PLEKHM2: variants seen among roughly 807,000 people sequenced by gnomAD.
PLEKHM2 encodes pleckstrin homology and RUN domain containing M2.
In PLEKHM2, 77 loss-of-function variants were observed where a neutral mutation model predicts 116.3. The ratio of observed to expected loss-of-function variants is 0.66; its 90% CI spans 0.55 to 0.80. The LOEUF (loss-of-function observed/expected upper bound fraction) is 0.80. Among genes scored for constraint, PLEKHM2 ranks in the 30% least tolerant of loss-of-function variants. The probability of loss-of-function intolerance (pLI) is 0.00; values close to 1 mark genes in which losing one functional copy is unlikely to be tolerated. For synonymous variants in PLEKHM2, 562 were observed against 571.0 expected (o/e 0.98, Z 0.22); for missense variants, 1,183 against 1,354.9 (o/e 0.87, Z 1.99).
chr1:15,716,680 A>G, intron 2 of PLEKHM2, 27 bp from the exon 3 acceptor site: 1 of 1,553,132 alleles, frequency 6.4e-7, no homozygotes, highest in Non-Finnish European at 8.7e-7. Flanking sequence ...CATGCAGGTC[A>G]CAGCAGCTCC....
intron 1 of PLEKHM2, among the ~76,000 whole-genome samples, chr1:15,704,703 C>G (rs1641186053): frequency 6.6e-6 from 1 of 152,218 alleles, no homozygotes; most frequent in African/African-American, 2.4e-5. Flanking sequence ...AGGCTGCTGC[C>G]CCCGCCCCTG....
chr1:15,684,569 G>C lies in PLEKHM2; in HGVS notation c.11G>C (p.Gly4Ala), dbSNP rs1640723646. 1 of 1,296,614 alleles carries C rather than the reference G, an allele frequency of 7.7e-7. No homozygotes were observed. Among genetic ancestry groups the C allele is most frequent in the Admixed American group, 2.8e-5 (1 of 35,286 alleles). 80.3% of individuals were successfully genotyped at this position (1,296,614 alleles called of 1,614,324 possible). ...GACGGTGGCAGCGCCATGGAGCCGGGGGAGGTGAAGGACCGGATCCTGGAG... is the reference window on the plus strand; with the variant it reads ...GACGGTGGCAGCGCCATGGAGCCGGCGGAGGTGAAGGACCGGATCCTGGAG... The part of the protein sequence containing the change: MEP[G>A]EVKDRILENI... Residue 4 changes from glycine to alanine, a missense_variant, in exon 1 of 20, where the codon GGG becomes GCG. Physicochemically the swap from Gly to Ala is moderately conservative, Grantham distance 60 (BLOSUM62 0). Around this residue, in one of 3 missense-constraint regions of PLEKHM2, gnomAD observed 217 missense variants for 277.6 expected, o/e 0.78. Transcript: ENST00000375799.
At position 15,727,716 on chromosome 1, in the gene PLEKHM2, G is replaced by A. The variant is rs767459394; in HGVS notation, c.1644G>A (p.Glu548=). The change falls in exon 9 of 20, where the codon GAG becomes GAA. Residue 548 remains glutamate (E), a synonymous_variant. Transcript: ENST00000375799. The surrounding 1 kb of genome is among the most constrained non-coding windows in gnomAD (Gnocchi z 7.5). ...CTGAGCCAGAGCCTGGGACCCAGGA[G>A]GTTCTCTGCCAGCTCAAGCGAGACC... ...PVSEPEPGTQ[E]VLCQLKRDQP... is the part of the protein sequence containing the mutation. The A allele has an allele frequency of 1.3e-6, 2 of 1,597,206 alleles. No individual in the cohort carries two copies. The highest frequency in any genetic ancestry group is 2.7e-5 in the African/African-American group (2 of 74,606).
chr1:15,713,944 T>C (rs1641389801), intron 1 of PLEKHM2, among the ~76,000 whole-genome samples: 2 of 147,766 alleles, frequency 1.4e-5, no homozygotes, highest in African/African-American at 2.5e-5. Flanking sequence ...CAGCCCTGTT[T>C]TTTTTTTTTT....
intron 1 of PLEKHM2, among the ~76,000 whole-genome samples, chr1:15,705,170 C>CTTTTTTTTT (rs71306988): frequency 1.4e-5 from 1 of 74,044 alleles, no homozygotes; most frequent in African/African-American, 6.3e-5. Context: ...ACGTAGATAT[C>CTTTTTTTTT]TTTTTTTTTT....
intron 1 of PLEKHM2, among the ~76,000 whole-genome samples, chr1:15,696,549 T>C (rs1210064598): frequency 6.6e-6 from 1 of 151,950 alleles, no homozygotes; most frequent in Non-Finnish European, 1.5e-5. Flanking sequence ...CGGGGTTTCA[T>C]CATATTGGTC....
intron 1 of PLEKHM2, among the ~76,000 whole-genome samples, chr1:15,693,673 C>T (rs1014674677): frequency 2.6e-5 from 4 of 152,322 alleles, no homozygotes; most frequent in South Asian, 2.1e-4. Flanking sequence ...CAGTGGTCTC[C>T]CTCAGAACTC....
Position 15,699,218 on chromosome 1 carries a change from A to T in PLEKHM2, c.60+14600A>T, listed in dbSNP as rs193050815. On this transcript the variant is annotated intron_variant, in intron 1 of 19. Transcript: ENST00000375799. ...TTAATTTCTAGGGTACATGTGCACA[A>T]TGTGCAGGTTTGTTACATAGGTGTG... is the stretch of plus-strand genomic sequence containing the variant. Among the ~76,000 whole-genome samples, 994 of 152,208 alleles carry T rather than the reference A, an allele frequency of 6.5e-3. 10 individuals are homozygous for T. Among genetic ancestry groups the T allele is most frequent in the Non-Finnish European group, 8.6e-3 (586 of 68,016 alleles).
At chr1:15,725,642 C>T (rs376222755) in intron 8 of PLEKHM2, 97 bp downstream of exon 8, 2 of 861,214 alleles carry the variant, frequency 2.3e-6, no homozygotes, top group Admixed American at 4.6e-5. Context: ...CGGGACACCC[C>T]CTGAGGGCAG....
At chr1:15,717,686 T>G (rs1641473977) in intron 3 of PLEKHM2, among the ~76,000 whole-genome samples, 1 of 152,192 alleles carries the variant, frequency 6.6e-6, no homozygotes, top group Non-Finnish European at 1.5e-5. Context: ...GTCTGCCCTC[T>G]TTATCAGAAT....
upstream of PLEKHM2, among the ~76,000 whole-genome samples, chr1:15,681,959 C>T (rs1640653111): frequency 6.6e-6 from 1 of 151,754 alleles, no homozygotes; most frequent in African/African-American, 2.4e-5. Context: ...AATCCCAGCC[C>T]TTTGGGAGGC....
rs373878060 is a variant in PLEKHM2 at position 15,727,743 on chromosome 1, G to A, written c.1671G>A (p.Gln557=). ...TTCTCTGCCAGCTCAAGCGAGACCA[G>A]CCCAGCCCGTGTCTGAGTAGCGCTG... is the stretch of plus-strand genomic sequence containing the variant. The part of the protein sequence containing the change: ...QEVLCQLKRD[Q]PSPCLSSAED... The change falls in exon 9 of 20, where the codon CAG becomes CAA. Residue 557 remains glutamine, a synonymous_variant. Transcript: ENST00000375799. The surrounding 1 kb of genome is among the most constrained non-coding windows in gnomAD (Gnocchi z 7.5). The A allele has an allele frequency of 1.9e-5, 31 of 1,602,624 alleles. No homozygotes were observed. The African/African-American group carries it at 2.0e-4, about 10-fold the overall frequency.
rs1208002335 is a variant in PLEKHM2, at chr1:15,715,169, GCAAGAAGGC to G, written c.61-1067_61-1059del. Among the ~76,000 whole-genome samples, 16 of 117,214 alleles carry G rather than the reference GCAAGAAGGC, an allele frequency of 1.4e-4. 1 individual carries two copies. Among genetic ancestry groups the G allele is most frequent in the African/African-American group, 7.6e-4 (16 of 21,048 alleles). 76.9% of individuals were successfully genotyped at this position (117,214 alleles called of 152,430 possible). ...CTAGTATTCCATGTCAAGAAGGCTG[GCAAGAAGGC>G]TGGTGGGGCAGGTGCCCCAGTCCAT... On this transcript the variant is annotated intron_variant, in intron 1 of 19. Coordinates refer to ENST00000375799, the MANE Select transcript of PLEKHM2 (RefSeq NM_015164.4).
Position 15,716,824 on chromosome 1 carries a change from G to T in PLEKHM2, c.277+8G>T. 1 of 1,556,306 alleles carries T rather than the reference G, an allele frequency of 6.4e-7. No individual in the cohort carries two copies. The highest frequency in any genetic ancestry group is 8.7e-7 in the Non-Finnish European group (1 of 1,149,734). On this transcript the variant is annotated splice_region_variant and intron_variant, in intron 3 of 19. Coordinates refer to ENST00000375799, the MANE Select transcript of PLEKHM2 (RefSeq NM_015164.4). Reference sequence around the variant, plus strand: ...CCACCAACCTGGGGCGCAGTGAGTAGTCACAAGGAGACGCTGGGGAAGGGA... The same window carrying T: ...CCACCAACCTGGGGCGCAGTGAGTATTCACAAGGAGACGCTGGGGAAGGGA...
At chr1:15,687,350 A>G (rs1457275696) in intron 1 of PLEKHM2, among the ~76,000 whole-genome samples, 3 of 150,830 alleles carry the variant, frequency 2.0e-5, no homozygotes, top group Admixed American at 6.6e-5. Flanking sequence ...ATTTTTTTGT[A>G]TTTTTAGTAG....
At chr1:15,731,144 C>A in intron 15 of PLEKHM2, 48 bp from the exon 16 acceptor site, 1 of 1,434,038 alleles carries the variant, frequency 7.0e-7, no homozygotes, top group Non-Finnish European at 9.6e-7. Flanking sequence ...TCCGCCTGGC[C>A]CCAGTTCCTG....
At chr1:15,716,543 G>A (rs1025817363) in intron 2 of PLEKHM2, among the ~76,000 whole-genome samples, 164 bp from the exon 3 acceptor site, 2 of 152,194 alleles carry the variant, frequency 1.3e-5, no homozygotes, top group African/African-American at 2.4e-5. Flanking sequence ...GATGGAGGGA[G>A]GATTTGCCAC....
intron 1 of PLEKHM2, among the ~76,000 whole-genome samples, chr1:15,712,381 C>A (rs576026822): frequency 1.3e-5 from 2 of 152,142 alleles, no homozygotes; most frequent in Non-Finnish European, 2.9e-5. Flanking sequence ...ACATTCTAGA[C>A]GGCCAGGTGG....
Position 15,729,053 on chromosome 1 carries a change from C to G in PLEKHM2, c.1987-49C>G. 5.3e-6 allele frequency: 8 copies of G among 1,521,252 alleles called. No individual in the cohort carries two copies. Among genetic ancestry groups the G allele is most frequent in the African/African-American group, 1.4e-5 (1 of 73,070 alleles). The allele number at this position is 1,521,252 out of a possible 1,614,324, so 94.2% of individuals were successfully genotyped here. A position where few individuals can be genotyped will look rare whatever the true frequency, so the allele number is the denominator to read the frequency against. ...AGCCTGGCCAAGCTGCCTTCTCCGC[C>G]AGGCAGCAGCTAAGCCCCAAGTGCA... On this transcript the variant is annotated intron_variant, in intron 12 of 19. Coordinates refer to ENST00000375799, the MANE Select transcript of PLEKHM2 (RefSeq NM_015164.4). The surrounding 1 kb of genome is among the most constrained non-coding windows in gnomAD (Gnocchi z 4.7).
Sources: gnomAD v4.1 joint callset for allele counts (sites outside exome capture counted in the v4.1 genomes callset) on GRCh38, gnomAD v4.1.1 for gene constraint, gnomAD v4.1.1 regional missense constraint, Gnocchi (gnomAD v3.1) non-coding constraint, MANE v1.5 for transcripts, NCBI Gene and HGNC (gene_info 2026-07-23, HGNC 2026-07-21) for gene names.